Variants in ARHGEF3 observed in about 807,000 individuals in gnomAD.
ARHGEF3 encodes Rho guanine nucleotide exchange factor 3.
In ARHGEF3, 28 loss-of-function variants were observed where a neutral mutation model predicts 63.2. That is an observed-to-expected ratio of 0.44 (90% CI 0.33 to 0.61). ARHGEF3 has a LOEUF of 0.61. Ranked by LOEUF, ARHGEF3 falls within the 20% of genes least tolerant of loss-of-function variation. The pLI is 0.03. For missense variants in ARHGEF3, 533 were observed against 659.3 expected, an observed-to-expected ratio of 0.81 and a Z score of 2.10; for synonymous variants, 266 against 254.2, an observed-to-expected ratio of 1.05 and a Z score of -0.44.
chr3:56,893,964 A>G (rs1398093623), intron 3 of ARHGEF3, among the ~76,000 whole-genome samples: 16 of 152,172 alleles, frequency 1.1e-4, no homozygotes, highest in Admixed American at 1.0e-3. Context: ...TGACTTGACT[A>G]AGGCTGCTCT....
At chr3:56,976,624 A>G (rs962224939) in intron 2 of ARHGEF3, among the ~76,000 whole-genome samples, 1 of 152,218 alleles carries the variant, frequency 6.6e-6, no homozygotes, top group Non-Finnish European at 1.5e-5. Flanking sequence ...ACAGTTTAAA[A>G]TGCCAAAAAT....
At chr3:57,050,779 C>T (rs939195743) in intron 1 of ARHGEF3, among the ~76,000 whole-genome samples, 1 of 152,228 alleles carries the variant, frequency 6.6e-6, no homozygotes, top group African/African-American at 2.4e-5. Context: ...ATCAACTTCA[C>T]ACATACAGTA....
intron 2 of ARHGEF3, among the ~76,000 whole-genome samples, chr3:56,767,548 C>A (rs1481311072): frequency 7.7e-6 from 1 of 129,940 alleles, no homozygotes; most frequent in Admixed American, 8.5e-5. Context: ...TGCGCCACTG[C>A]ACTCCAGCCT....
chr3:56,994,311 C>G (rs962633467), intron 2 of ARHGEF3, among the ~76,000 whole-genome samples: 13 of 152,054 alleles, frequency 8.5e-5, no homozygotes, highest in Admixed American at 8.5e-4. Flanking sequence ...AGCTCTAGTA[C>G]TAAAAGGCTG....
chr3:56,946,667 T>G (rs1560074002), intron 3 of ARHGEF3, among the ~76,000 whole-genome samples: 1 of 152,148 alleles, frequency 6.6e-6, no homozygotes. Flanking sequence ...TACCTGAAAG[T>G]GATGGGGAGA....
At chr3:56,735,023 C>T (rs2033504807) in intron 8 of ARHGEF3, among the ~76,000 whole-genome samples, 1 of 152,178 alleles carries the variant, frequency 6.6e-6, no homozygotes, top group Admixed American at 6.5e-5. Flanking sequence ...GTGGCTCACT[C>T]CTGTAATCCC....
intron 1 of ARHGEF3, among the ~76,000 whole-genome samples, chr3:56,790,597 T>G (rs769382386): frequency 6.6e-6 from 1 of 152,164 alleles, no homozygotes; most frequent in Non-Finnish European, 1.5e-5. Flanking sequence ...TTAAAAATAG[T>G]CTTCCCCAGT....
At chr3:56,764,052 A>G (rs908315987) in intron 2 of ARHGEF3, among the ~76,000 whole-genome samples, 3 of 141,832 alleles carry the variant, frequency 2.1e-5, no homozygotes, top group Non-Finnish European at 3.2e-5. Flanking sequence ...AGATTGATGC[A>G]CATTAAAACC....
intron 1 of ARHGEF3, among the ~76,000 whole-genome samples, chr3:56,789,484 T>C (rs1236887257): frequency 6.6e-6 from 1 of 152,252 alleles, no homozygotes; most frequent in Admixed American, 6.5e-5. Context: ...TCATTTCCTA[T>C]AACACATTAA....
chr3:57,044,889 G>T (rs551859126), intron 1 of ARHGEF3, among the ~76,000 whole-genome samples: 28 of 152,288 alleles, frequency 1.8e-4, no homozygotes, highest in African/African-American at 6.0e-4. Context: ...CTTTTATTAT[G>T]ATTTATATGC....
chr3:56,954,093 CA>C (rs1699935041), intron 3 of ARHGEF3, among the ~76,000 whole-genome samples: 1 of 152,074 alleles, frequency 6.6e-6, no homozygotes, highest in Non-Finnish European at 1.5e-5. Flanking sequence ...ATGGACTAGA[CA>C]AAAGTAAAGA....
intron 7 of ARHGEF3, among the ~76,000 whole-genome samples, chr3:56,744,263 A>G (rs2034234729): frequency 6.6e-6 from 1 of 152,104 alleles, no homozygotes; most frequent in African/African-American, 2.4e-5. Flanking sequence ...TACCTCAACC[A>G]GAACGGTGCT....
At chr3:56,741,136 T>A (rs1464043858) in intron 7 of ARHGEF3, among the ~76,000 whole-genome samples, 1 of 152,150 alleles carries the variant, frequency 6.6e-6, no homozygotes. Flanking sequence ...ATGTTTTGTC[T>A]TTCTATCTAC....
intron 2 of ARHGEF3, among the ~76,000 whole-genome samples, chr3:56,968,644 A>G (rs1700773621): frequency 6.6e-6 from 1 of 151,774 alleles, no homozygotes; most frequent in Admixed American, 6.6e-5. Context: ...GTCACATTTT[A>G]AAAGTAAAAA....
intron 3 of ARHGEF3, among the ~76,000 whole-genome samples, chr3:56,910,708 C>A (rs979176280): frequency 3.9e-5 from 6 of 151,966 alleles, no homozygotes; most frequent in African/African-American, 7.3e-5. Context: ...AATAATAGTA[C>A]CGGTGGTATG....
chr3:56,885,898 T>A (rs2040909445), intron 3 of ARHGEF3, among the ~76,000 whole-genome samples: 1 of 152,228 alleles, frequency 6.6e-6, no homozygotes, highest in African/African-American at 2.4e-5. Context: ...GCCTGAAGTT[T>A]AAACTCTGGG....
At chr3:57,000,602 G>A (rs558643928) in intron 2 of ARHGEF3, among the ~76,000 whole-genome samples, 215 of 151,692 alleles carry the variant, frequency 1.4e-3, no homozygotes, top group Middle Eastern at 3.5e-3. Context: ...GGCACAATTC[G>A]GCTCACTGCA....
Position 56,967,208 on chromosome 3 carries a change from A to C in ARHGEF3, c.63-8319T>G, listed in dbSNP as rs574388939. 2.3e-4 allele frequency among the ~76,000 whole-genome samples: 32 copies of C among 139,960 alleles called. No homozygotes were observed. In the East Asian group the frequency reaches 6.0e-3, roughly 26 times the overall value. 91.8% of individuals were successfully genotyped at this position (139,960 alleles called of 152,430 possible). Reference sequence around the variant, plus strand: ...ATTATTCAATTGAAATATCATGTGAACCACATATGTAATTTAAGTTTTCTA... The same window carrying C: ...ATTATTCAATTGAAATATCATGTGACCCACATATGTAATTTAAGTTTTCTA... On this transcript the variant is annotated intron_variant, in intron 2 of 12. Coordinates refer to the ARHGEF3 transcript ENST00000338458.
intron 2 of ARHGEF3, chr3:57,007,114 G>A (rs1702499601): frequency 8.5e-7 from 1 of 1,181,938 alleles, no homozygotes; most frequent in Non-Finnish European, 1.1e-6. Flanking sequence ...AAGGTGTACA[G>A]TTACTTGTGC....
Sources: allele counts gnomAD v4.1 joint callset (sites outside exome capture counted in the v4.1 genomes callset), GRCh38; gene constraint gnomAD v4.1.1; transcripts MANE v1.5; gene names NCBI Gene and HGNC (gene_info 2026-07-23, HGNC 2026-07-21).